Variants in MSRB3 observed in about 807,000 individuals in gnomAD.
MSRB3 encodes methionine sulfoxide reductase B3, also known as methionine-R-sulfoxide reductase B3.
MSRB3 carries 13 observed loss-of-function variants against 21.0 expected under a neutral mutation model. The ratio of observed to expected loss-of-function variants is 0.62; its 90% CI spans 0.40 to 0.98. The LOEUF is 0.98. Among genes scored for constraint, MSRB3 ranks in the 50% least tolerant of loss-of-function variants. The pLI is 0.00. For synonymous variants in MSRB3, 87 were observed against 88.6 expected (o/e 0.98, Z 0.10); for missense variants, 199 against 230.3 (o/e 0.86, Z 0.88).
intron 5 of MSRB3, among the ~76,000 whole-genome samples, chr12:65,396,616 G>A (rs183226415): frequency 7.3e-5 from 11 of 151,638 alleles, no homozygotes; most frequent in Admixed American, 2.6e-4. Context: ...ACTTGAACCC[G>A]GGAAGCAGAG....
intron 4 of MSRB3, among the ~76,000 whole-genome samples, chr12:65,345,568 A>C (rs1453080824): frequency 6.6e-6 from 1 of 152,006 alleles, no homozygotes; most frequent in Non-Finnish European, 1.5e-5. Context: ...GCTAAAGTAG[A>C]TAAGGAAGAT....
At chr12:65,308,483 G>A in intron 1 of MSRB3, 46 bp from the exon 2 acceptor site, 1 of 1,602,620 alleles carries the variant, frequency 6.2e-7, no homozygotes, top group Non-Finnish European at 8.5e-7. Context: ...TTTAATATTT[G>A]TGATGTTTTA....
At chr12:65,339,066 G>C (rs2136469658) in intron 4 of MSRB3, among the ~76,000 whole-genome samples, 1 of 152,258 alleles carries the variant, frequency 6.6e-6, no homozygotes, top group African/African-American at 2.4e-5. Flanking sequence ...GACAGAGCAA[G>C]ATTCTGTCTC....
chr12:65,283,071 A>G (rs575339553), intron 1 of MSRB3, among the ~76,000 whole-genome samples: 4 of 152,230 alleles, frequency 2.6e-5, no homozygotes, highest in Admixed American at 6.5e-5. Context: ...GGATAAGTTC[A>G]TTAAAACTAT....
At chr12:65,344,295 T>C (rs1876339929) in intron 4 of MSRB3, 1 of 152,020 alleles carries the variant, frequency 6.6e-6, no homozygotes, top group Non-Finnish European at 1.5e-5. Flanking sequence ...TATTCTGTTA[T>C]TGGTCATATT....
At chr12:65,458,282 A>T (rs1051580411) in intron 6 of MSRB3, among the ~76,000 whole-genome samples, 1 of 152,178 alleles carries the variant, frequency 6.6e-6, no homozygotes, top group Non-Finnish European at 1.5e-5. Context: ...TGTGGTAGGG[A>T]TGACACCATG....
intron 1 of MSRB3, among the ~76,000 whole-genome samples, chr12:65,289,201 A>G (rs942663945): frequency 9.9e-5 from 15 of 152,238 alleles, no homozygotes; most frequent in African/African-American, 3.6e-4. Context: ...AGAACATTAT[A>G]TAAATGTTAT....
At chr12:65,459,422 CTCTTTT>C (rs1362552916) in intron 6 of MSRB3, among the ~76,000 whole-genome samples, 1 of 152,212 alleles carries the variant, frequency 6.6e-6, no homozygotes, top group Non-Finnish European at 1.5e-5. Context: ...CAGCCCATCT[CTCTTTT>C]TCTTGATCTT....
At chr12:65,457,839 C>A (rs140550778) in intron 6 of MSRB3, among the ~76,000 whole-genome samples, 1 of 151,530 alleles carries the variant, frequency 6.6e-6, no homozygotes, top group Non-Finnish European at 1.5e-5. Context: ...CCAGCTTCTC[C>A]CATTTTTTAA....
At chr12:65,297,301 G>T (rs1466649895) in intron 1 of MSRB3, among the ~76,000 whole-genome samples, 1 of 152,078 alleles carries the variant, frequency 6.6e-6, no homozygotes, top group Non-Finnish European at 1.5e-5. Flanking sequence ...GGATTGATAG[G>T]TGCAGCAAAC....
In MSRB3 at chr12:65,463,774, G is replaced by A. The variant is rs1488114557; in HGVS notation, c.*452G>A. ...TTTGCACAGACCCACCTAAGATAAG[G>A]TTGGAGTGATGTTTTAATGAGACTG... On this transcript the variant is annotated 3_prime_UTR_variant, in exon 7 of 7. Coordinates refer to ENST00000308259, the MANE Select transcript of MSRB3 (RefSeq NM_001031679.3). 1 of 169,824 alleles carries A rather than the reference G, an allele frequency of 5.9e-6. No individual in the cohort carries two copies. The highest frequency in any genetic ancestry group is 1.5e-4 in the South Asian group (1 of 6,872). The allele number at this position is 169,824 out of a possible 1,614,324, so 10.5% of individuals were successfully genotyped here.
At chr12:65,351,033 C>A (rs1378376104) in intron 4 of MSRB3, among the ~76,000 whole-genome samples, 2 of 151,930 alleles carry the variant, frequency 1.3e-5, no homozygotes, top group East Asian at 3.9e-4. Flanking sequence ...CACACCACGC[C>A]TATTCCAAAA....
chr12:65,309,598 T>C (rs183273881), intron 2 of MSRB3, among the ~76,000 whole-genome samples: 251 of 152,308 alleles, frequency 1.6e-3, no homozygotes, highest in African/African-American at 5.7e-3. Flanking sequence ...TGGTGTGTTA[T>C]GGTAATTCAG....
chr12:65,385,548 C>T (rs1387096217), intron 5 of MSRB3, among the ~76,000 whole-genome samples: 1 of 151,892 alleles, frequency 6.6e-6, no homozygotes, highest in East Asian at 1.9e-4. Context: ...TTAATTATAT[C>T]TGCTTTTAAT....
intron 5 of MSRB3, among the ~76,000 whole-genome samples, chr12:65,424,257 T>G (rs576160953): frequency 4.2e-4 from 64 of 152,168 alleles, no homozygotes; most frequent in Middle Eastern, 3.4e-3. Context: ...GTTTTACCTT[T>G]TTAAAAAACC....
At chr12:65,319,398 C>T (rs1484593908) in intron 2 of MSRB3, among the ~76,000 whole-genome samples, 1 of 152,010 alleles carries the variant, frequency 6.6e-6, no homozygotes, top group African/African-American at 2.4e-5. Context: ...TCTTTTCTGG[C>T]ACCCTGTGAA....
chr12:65,360,234 C>T (rs1048283939), intron 4 of MSRB3, among the ~76,000 whole-genome samples: 4 of 152,126 alleles, frequency 2.6e-5, no homozygotes, highest in Admixed American at 1.3e-4. Context: ...TATCAACATA[C>T]GAATTTTGGG....
At chr12:65,396,978 A>C (rs907044441) in intron 5 of MSRB3, among the ~76,000 whole-genome samples, 1 of 152,158 alleles carries the variant, frequency 6.6e-6, no homozygotes, top group African/African-American at 2.4e-5. Context: ...TCTAACTATA[A>C]TAATGGATTT....
chr12:65,455,473 AG>A lies in MSRB3; in HGVS notation c.390+1649del, dbSNP rs200013259. On this transcript the variant is annotated intron_variant, in intron 6 of 6. Transcript: ENST00000308259. ...TAGTGTGGGGAGCAGCATTTTTAAA[AG>A]CTCCTCTGGTTAGTGCTCACCATAA... Among the ~76,000 whole-genome samples, 612 of 152,210 alleles carry A rather than the reference AG, an allele frequency of 4.0e-3. 23 individuals carry two copies. The East Asian group carries it at 0.069, about 17-fold the overall frequency.
Sources: allele counts gnomAD v4.1 joint callset (sites outside exome capture counted in the v4.1 genomes callset), GRCh38; gene constraint gnomAD v4.1.1; transcripts MANE v1.5; gene names NCBI Gene and HGNC (gene_info 2026-07-23, HGNC 2026-07-21).